The following NCOR1 variants were observed in gnomAD, a reference collection of about 807,000 sequenced individuals.
NCOR1 encodes nuclear receptor corepressor 1.
In NCOR1, 63 loss-of-function variants were observed where a neutral mutation model predicts 288.1. The observed-to-expected ratio is 0.22, with a 90% CI of 0.18 to 0.27. NCOR1 has a LOEUF of 0.27. NCOR1 is among the 10% of genes least tolerant of loss of function. The probability of loss-of-function intolerance (pLI) is 1.00; values close to 1 mark genes in which losing one functional copy is unlikely to be tolerated. For missense variants in NCOR1, 2,397 were observed against 3,019.2 expected, an observed-to-expected ratio of 0.79 and a Z score of 4.83; for synonymous variants, 1,007 against 1,065.9, an observed-to-expected ratio of 0.94 and a Z score of 1.08.
rs894445443 is a variant in NCOR1 at position 16,194,613 on chromosome 17, T to A, written c.-44A>T. Reference sequence around the variant, plus strand: ...CACCAGACTGTGAGATCAATGCCAATAAACAATCATGTTTCTAGGAAACCA... The same window carrying A: ...CACCAGACTGTGAGATCAATGCCAAAAAACAATCATGTTTCTAGGAAACCA... On this transcript the variant is annotated 5_prime_UTR_variant, in exon 2 of 46. Transcript: ENST00000268712. 2 of 1,233,956 alleles carry A rather than the reference T, an allele frequency of 1.6e-6. No homozygotes were observed. The highest frequency in any genetic ancestry group is 3.0e-5 in the African/African-American group (2 of 67,288). 76.4% of individuals were successfully genotyped at this position (1,233,956 alleles called of 1,614,324 possible). A position where few individuals can be genotyped will look rare whatever the true frequency, so the allele number is the denominator to read the frequency against.
intron 40 of NCOR1, among the ~76,000 whole-genome samples, chr17:16,055,938 C>T (rs1433879232): frequency 6.6e-6 from 1 of 151,954 alleles, no homozygotes; most frequent in South Asian, 2.1e-4. Flanking sequence ...GTTTGGGGGT[C>T]GGGGCAAGCG....
At chr17:16,212,292 G>A (rs1307243364) in intron 1 of NCOR1, among the ~76,000 whole-genome samples, 1 of 151,672 alleles carries the variant, frequency 6.6e-6, no homozygotes, top group African/African-American at 2.4e-5. Context: ...AAAAAAAAAA[G>A]ATAATCTATA....
intron 1 of NCOR1, among the ~76,000 whole-genome samples, chr17:16,214,908 G>A (rs1294708949): frequency 6.6e-6 from 1 of 152,220 alleles, no homozygotes; most frequent in African/African-American, 2.4e-5. Context: ...AATTTACTCT[G>A]CACGCACTTG....
chr17:16,077,839 C>T (rs1399027562), intron 26 of NCOR1, among the ~76,000 whole-genome samples: 1 of 152,058 alleles, frequency 6.6e-6, no homozygotes, highest in African/African-American at 2.4e-5. Context: ...CACATCTTTG[C>T]ACCAACCTAA....
At chr17:16,159,914 C>T (rs1231161065) in intron 5 of NCOR1, among the ~76,000 whole-genome samples, 2 of 151,592 alleles carry the variant, frequency 1.3e-5, no homozygotes, top group Non-Finnish European at 2.9e-5. Flanking sequence ...ACTGCAACCT[C>T]CGCTTCCAGG....
Position 16,068,092 on chromosome 17 carries a change from G to A in NCOR1, c.4543C>T (p.His1515Tyr), listed in dbSNP as rs1227019947. 1.2e-6 allele frequency: 2 copies of A among 1,613,342 alleles called. No individual in the cohort carries two copies. The highest frequency in any genetic ancestry group is 1.7e-6 in the Non-Finnish European group (2 of 1,179,580). ...GGGGTCAGTGTCGATTTCCTTTCAT[G>A]ATTGGTAGACTTGTTAGAAGAAATT... is the stretch of plus-strand genomic sequence containing the variant. The part of the protein sequence containing the change: ...VTISSNKSTN[H>Y]ERKSTLTPTQ... The change falls in exon 32 of 46, where the codon CAT becomes TAT. Residue 1515 changes from histidine (H) to tyrosine (Y), a missense_variant. Coordinates refer to ENST00000268712, the MANE Select transcript of NCOR1 (RefSeq NM_006311.4).
chr17:16,094,059 A>T (rs2065886773), intron 21 of NCOR1, among the ~76,000 whole-genome samples: 1 of 151,834 alleles, frequency 6.6e-6, no homozygotes. Flanking sequence ...CACCATGCGG[A>T]GCTAATTTTT....
Position 16,029,490 on chromosome 17 carries a change from C to A in NCOR1, c.*2806G>T. ...AAAATTAAAAGCATTATGAAATTTG[C>A]AGTCATAAACATGCAGTGGAAAACT... is the stretch of plus-strand genomic sequence containing the variant. On this transcript the variant is annotated 3_prime_UTR_variant, in exon 46 of 46. Transcript: ENST00000268712. 3.7e-6 allele frequency: 1 copy of A among 268,930 alleles called. No homozygotes were observed. Among genetic ancestry groups the A allele is most frequent in the Non-Finnish European group, 7.4e-6 (1 of 135,882 alleles). The allele number at this position is 268,930 out of a possible 1,614,324, so 16.7% of individuals were successfully genotyped here.
intron 22 of NCOR1, among the ~76,000 whole-genome samples, chr17:16,087,547 G>A (rs565643267): frequency 3.3e-5 from 5 of 152,182 alleles, no homozygotes; most frequent in Admixed American, 6.5e-5. Flanking sequence ...ATTCATTTAC[G>A]AGTTTTCCCT....
chr17:16,178,790 C>T (rs548692667), intron 3 of NCOR1, among the ~76,000 whole-genome samples: 3 of 152,152 alleles, frequency 2.0e-5, no homozygotes, highest in South Asian at 4.1e-4. Context: ...TCTCTCCAAA[C>T]TTAACCAAGA....
chr17:16,078,276 A>C (rs1278235226), intron 26 of NCOR1, among the ~76,000 whole-genome samples: 2 of 152,214 alleles, frequency 1.3e-5, no homozygotes, highest in African/African-American at 4.8e-5. Flanking sequence ...ATCTGATACC[A>C]TATGCTTAAG....
At chr17:16,102,953 G>T (rs936204350) in intron 19 of NCOR1, among the ~76,000 whole-genome samples, 20 of 152,262 alleles carry the variant, frequency 1.3e-4, no homozygotes, top group African/African-American at 4.6e-4. Context: ...AGTGTCTAGC[G>T]GCTACCACAC....
intron 17 of NCOR1, among the ~76,000 whole-genome samples, chr17:16,118,293 G>A (rs961259936): frequency 1.3e-5 from 2 of 151,964 alleles, no homozygotes; most frequent in Non-Finnish European, 2.9e-5. Context: ...TCTCTCACAG[G>A]GCTAGGACAA....
intron 42 of NCOR1, 116 bp from the exon 43 acceptor site, chr17:16,040,610 T>G (rs2057376223): frequency 1.1e-6 from 1 of 905,892 alleles, no homozygotes. Flanking sequence ...GATCTCAACC[T>G]TTATTTCTCA....
chr17:16,168,122 C>A (rs934534693), intron 4 of NCOR1, among the ~76,000 whole-genome samples: 16 of 152,150 alleles, frequency 1.1e-4, no homozygotes, highest in Non-Finnish European at 2.4e-4. Context: ...TAAAAACAAT[C>A]ATTCATCAAA....
chr17:16,061,409 G>T lies in NCOR1; in HGVS notation c.5873C>A (p.Ser1958Tyr). 4 of 1,613,946 alleles carry T rather than the reference G, an allele frequency of 2.5e-6. No individual in the cohort carries two copies. The highest frequency in any genetic ancestry group is 3.4e-6 in the Non-Finnish European group (4 of 1,179,880). ...RERGSQSSDSSSSLSSHRYET... is the reference protein window; with the variant it reads ...RERGSQSSDSYSSLSSHRYET... ...CGGATTGAGATACATACAGCTACTA[G>T]AAGAGTCTGAACTTTGAGAGCCACG... The change falls in exon 37 of 46, where the codon TCT (serine) becomes TAT (tyrosine). Residue 1958 changes from serine to tyrosine, a missense_variant. Ser to Tyr is a moderately radical substitution (Grantham distance 144). Transcript: ENST00000268712.
chr17:16,101,789 A>G, intron 19 of NCOR1, 32 bp from the exon 20 acceptor site: 2 of 1,612,708 alleles, frequency 1.2e-6, no homozygotes, highest in Non-Finnish European at 1.7e-6. Flanking sequence ...TTTCTGTATC[A>G]GAACTATTTT....
chr17:16,146,432 A>G lies in NCOR1; in HGVS notation c.1026T>C (p.Tyr342=), dbSNP rs2078012051. ...KAKESKTREY[Y]EKQFPEIRKQ... ...TTCGAATTTCTGGAAACTGCTTTTC[A>G]TAGTATTCCCTTGTTTTGCTTTCTT... The change falls in exon 10 of 46, where the codon TAT becomes TAC. Residue 342 remains tyrosine, a synonymous_variant. Transcript: ENST00000268712. 1 of 1,612,400 alleles carries G rather than the reference A, an allele frequency of 6.2e-7. No individual in the cohort carries two copies. The highest frequency in any genetic ancestry group is 1.3e-5 in the African/African-American group (1 of 74,880).
chr17:16,044,831 G>C, intron 42 of NCOR1: 1 of 1,065,062 alleles, frequency 9.4e-7, no homozygotes, highest in Non-Finnish European at 1.4e-6. Context: ...ACCTGCTCCA[G>C]CAGCTGGTGC....
Sources: allele counts gnomAD v4.1 joint callset (sites outside exome capture counted in the v4.1 genomes callset), GRCh38; gene constraint gnomAD v4.1.1; transcripts MANE v1.5; gene names NCBI Gene and HGNC (gene_info 2026-07-23, HGNC 2026-07-21).